GFRA1: variants seen among roughly 807,000 people sequenced by gnomAD.
GFRA1 encodes GDNF family receptor alpha-1.
A neutral mutation model predicts 51.6 loss-of-function variants in GFRA1; 16 were observed. That is an observed-to-expected ratio of 0.31 (90% confidence interval 0.21 to 0.47). The LOEUF is 0.47. Ranked by LOEUF, GFRA1 falls within the 20% of genes least tolerant of loss-of-function variation. The pLI is 1.00. For synonymous variants in GFRA1, 270 were observed against 241.3 expected, an observed-to-expected ratio of 1.12 and a Z score of -1.10; for missense variants, 530 against 594.3, an observed-to-expected ratio of 0.89 and a Z score of 1.13.
At chr10:116,147,568 A>C (rs1163241389) in intron 5 of GFRA1, among the ~76,000 whole-genome samples, 1 of 152,066 alleles carries the variant, frequency 6.6e-6, no homozygotes. Flanking sequence ...TGTCACCACA[A>C]GTCACTTCAC....
At chr10:116,100,253 G>A (rs1057093131) in intron 6 of GFRA1, among the ~76,000 whole-genome samples, 5 of 152,178 alleles carry the variant, frequency 3.3e-5, no homozygotes, top group African/African-American at 4.8e-5. Flanking sequence ...CTGATTTAAC[G>A]ACTTAACATG....
rs116181144 is a variant in GFRA1, at chr10:116,226,624, G to T, written c.419-14979C>A. 2.1e-3 allele frequency: 420 copies of T among 196,996 alleles called. 2 individuals are homozygous for T. The highest frequency in any genetic ancestry group is 8.8e-3 in the African/African-American group (381 of 43,314). 12.2% of individuals were successfully genotyped at this position (196,996 alleles called of 1,614,324 possible). A position where few individuals can be genotyped will look rare whatever the true frequency, so the allele number is the denominator to read the frequency against. On this transcript the variant is annotated intron_variant, in intron 4 of 10. Transcript: ENST00000355422. ...AAGACAATTTTTCCACAGGCAGGGG[G>T]TGTATGTGAGTGGGGGGATGGTTCT...
intron 5 of GFRA1, among the ~76,000 whole-genome samples, chr10:116,210,998 T>C (rs1965151038): frequency 1.3e-5 from 2 of 152,174 alleles, no homozygotes; most frequent in South Asian, 4.1e-4. Context: ...TTGCTCTGCA[T>C]CCTAAGTGGG....
chr10:116,173,948 T>C (rs1239250471), intron 5 of GFRA1, among the ~76,000 whole-genome samples: 2 of 151,890 alleles, frequency 1.3e-5, no homozygotes, highest in Non-Finnish European at 2.9e-5. Flanking sequence ...GGCATGGTGG[T>C]GCATGCCTGT....
chr10:116,128,133 T>C (rs1337596533), intron 5 of GFRA1, among the ~76,000 whole-genome samples: 4 of 152,184 alleles, frequency 2.6e-5, no homozygotes, highest in African/African-American at 7.2e-5. Flanking sequence ...AAAGGACCCA[T>C]GGAGAAGCCG....
intron 5 of GFRA1, among the ~76,000 whole-genome samples, chr10:116,175,738 A>G (rs952143312): frequency 1.3e-5 from 2 of 152,196 alleles, no homozygotes; most frequent in Non-Finnish European, 2.9e-5. Context: ...AAACGTCAAT[A>G]TGGTAATAAA....
intron 5 of GFRA1, among the ~76,000 whole-genome samples, chr10:116,182,076 A>G (rs540423016): frequency 4.7e-4 from 62 of 131,052 alleles, no homozygotes; most frequent in African/African-American, 1.7e-3. Context: ...AAGAACACAG[A>G]TTTAACATAT....
intron 4 of GFRA1, among the ~76,000 whole-genome samples, chr10:116,236,287 A>G (rs1200149127): frequency 1.3e-5 from 2 of 152,044 alleles, no homozygotes; most frequent in East Asian, 1.9e-4. Context: ...CCCTGAAGAC[A>G]CTGCCTCTGC....
chr10:116,091,386 A>G (rs1052225380), intron 8 of GFRA1, among the ~76,000 whole-genome samples: 1 of 152,234 alleles, frequency 6.6e-6, no homozygotes, highest in Non-Finnish European at 1.5e-5. Context: ...TACACTAGGC[A>G]GTGAGAAATG....
chr10:116,080,446 T>G (rs1955801360), intron 9 of GFRA1, among the ~76,000 whole-genome samples: 1 of 152,154 alleles, frequency 6.6e-6, no homozygotes, highest in Non-Finnish European at 1.5e-5. Context: ...AAATCACCAT[T>G]AAAGTACTTG....
At chr10:116,173,780 TA>T (rs1035702389) in intron 5 of GFRA1, among the ~76,000 whole-genome samples, 1 of 152,044 alleles carries the variant, frequency 6.6e-6, no homozygotes, top group East Asian at 1.9e-4. Context: ...TTTCCCCGGT[TA>T]AAAAAAGTCA....
chr10:116,082,797 T>G (rs1166343810), intron 9 of GFRA1, among the ~76,000 whole-genome samples: 1 of 152,126 alleles, frequency 6.6e-6, no homozygotes, highest in Non-Finnish European at 1.5e-5. Flanking sequence ...TCTTATTAAT[T>G]AAGAAGACAC....
At chr10:116,144,725 A>G (rs561067111) in intron 5 of GFRA1, among the ~76,000 whole-genome samples, 1 of 152,334 alleles carries the variant, frequency 6.6e-6, no homozygotes, top group East Asian at 1.9e-4. Flanking sequence ...TAAAATGTGA[A>G]AAACAAAATG....
intron 9 of GFRA1, among the ~76,000 whole-genome samples, chr10:116,067,216 T>C (rs749193540): frequency 1.2e-4 from 19 of 152,214 alleles, no homozygotes; most frequent in Non-Finnish European, 2.1e-4. Flanking sequence ...GTCCACTGCA[T>C]TGTCACCTAC....
chr10:116,256,710 G>A (rs372059211), intron 4 of GFRA1, among the ~76,000 whole-genome samples: 8 of 152,336 alleles, frequency 5.3e-5, no homozygotes, highest in African/African-American at 1.9e-4. Flanking sequence ...ATTCTCTTAC[G>A]AAATGTTCTG....
intron 5 of GFRA1, among the ~76,000 whole-genome samples, chr10:116,146,880 T>C (rs1335592283): frequency 1.3e-5 from 2 of 152,124 alleles, no homozygotes; most frequent in African/African-American, 4.8e-5. Flanking sequence ...CAAAAACATA[T>C]ATTCATGTAA....
intron 5 of GFRA1, among the ~76,000 whole-genome samples, chr10:116,178,941 C>T (rs887071469): frequency 6.6e-6 from 1 of 152,138 alleles, no homozygotes; most frequent in African/African-American, 2.4e-5. Context: ...AGAGCACCTG[C>T]TTCAGGAGCC....
At chr10:116,210,248 C>T (rs910239172) in intron 5 of GFRA1, among the ~76,000 whole-genome samples, 10 of 152,152 alleles carry the variant, frequency 6.6e-5, no homozygotes, top group African/African-American at 2.4e-4. Context: ...AGCCTCCCCT[C>T]TCCCCATTCT....
At chr10:116,240,405 G>A (rs1000843864) in intron 4 of GFRA1, among the ~76,000 whole-genome samples, 1 of 152,112 alleles carries the variant, frequency 6.6e-6, no homozygotes, top group Non-Finnish European at 1.5e-5. Flanking sequence ...CCAAATACTT[G>A]GCACCCACTG....
Sources: gnomAD v4.1 joint callset for allele counts (sites outside exome capture counted in the v4.1 genomes callset) on GRCh38, gnomAD v4.1.1 for gene constraint, MANE v1.5 for transcripts, NCBI Gene and HGNC (gene_info 2026-07-23, HGNC 2026-07-21) for gene names.